The following PSMA4 variants were observed in gnomAD, a reference collection of about 807,000 sequenced individuals.
PSMA4 encodes the protein proteasome 20S subunit alpha 4.
A neutral mutation model predicts 37.2 loss-of-function variants in PSMA4; 8 were observed. The observed-to-expected ratio is 0.22, with a 90% confidence interval of 0.13 to 0.39. The LOEUF (loss-of-function observed/expected upper bound fraction) is 0.39, where lower values mean the gene tolerates loss of function less well. PSMA4 is among the 10% of genes least tolerant of loss of function. The pLI is 1.00. For synonymous variants in PSMA4, 93 were observed against 98.8 expected, an observed-to-expected ratio of 0.94 and a Z score of 0.35; for missense variants, 169 against 305.1, an observed-to-expected ratio of 0.55 and a Z score of 3.32.
rs1179556387 is a variant in PSMA4 at position 78,549,857 on chromosome 15, T to TA, written c.*914dup. On this transcript the variant is annotated 3_prime_UTR_variant, in exon 9 of 9. Coordinates refer to ENST00000044462, the MANE Select transcript of PSMA4 (RefSeq NM_002789.6). The stretch of plus-strand genomic sequence containing the variant: ...CTCAAGCTCTGTGGTGGAACCCAGA[T>TA]ATTAACATTGCTTAAACTCTTCAGG... The TA allele has an allele frequency of 1.3e-5, 2 of 152,424 alleles. No homozygotes were observed. The highest frequency in any genetic ancestry group is 4.8e-5 in the African/African-American group (2 of 41,588). 9.4% of individuals were successfully genotyped at this position (152,424 alleles called of 1,614,324 possible). A position where few individuals can be genotyped will look rare whatever the true frequency, so the allele number is the denominator to read the frequency against.
chr15:78,547,422 TACA>T (rs2141378789), intron 8 of PSMA4, among the ~76,000 whole-genome samples: 1 of 152,384 alleles, frequency 6.6e-6, no homozygotes, highest in African/African-American at 2.4e-5. Flanking sequence ...TTACCAGAGA[TACA>T]ACATTTGCGT....
rs1433335130 is a variant in PSMA4, at chr15:78,549,196, A to G, written c.*252A>G. On this transcript the variant is annotated 3_prime_UTR_variant, in exon 9 of 9. Coordinates refer to ENST00000044462, the MANE Select transcript of PSMA4 (RefSeq NM_002789.6). ...AATAAAATTTGGAAAATGGAAATGA[A>G]GGAATAAATTCTCTGTAGCAGTAAT... 5.5e-6 allele frequency: 2 copies of G among 365,174 alleles called. No individual in the cohort carries two copies. Among genetic ancestry groups the G allele is most frequent in the African/African-American group, 2.1e-5 (1 of 47,300 alleles). 22.6% of individuals were successfully genotyped at this position (365,174 alleles called of 1,614,324 possible).
chr15:78,542,692 A>C, intron 4 of PSMA4, 47 bp downstream of exon 4: 1 of 1,519,778 alleles, frequency 6.6e-7, no homozygotes, highest in South Asian at 1.2e-5. Context: ...TCACTTTCTC[A>C]CATAAGTGGG....
At chr15:78,544,119 T>G in intron 4 of PSMA4, 71 bp from the exon 5 acceptor site, 2 of 1,159,042 alleles carry the variant, frequency 1.7e-6, no homozygotes, top group East Asian at 5.1e-5. Context: ...AATTAGAATT[T>G]TTTAAATACT....
chr15:78,545,085 C>T (rs2052528164), intron 6 of PSMA4, 128 bp downstream of exon 6: 1 of 588,112 alleles, frequency 1.7e-6, no homozygotes. Flanking sequence ...TTTTAATTGG[C>T]AAATAAGAAT....
chr15:78,546,532 A>G, intron 7 of PSMA4, 43 bp from the exon 8 acceptor site: 1 of 1,532,038 alleles, frequency 6.5e-7, no homozygotes. Context: ...TGTTTCTAAA[A>G]AATGTAAAAA....
chr15:78,542,373 G>C, intron 3 of PSMA4, 110 bp from the exon 4 acceptor site: 1 of 1,418,888 alleles, frequency 7.0e-7, no homozygotes, highest in Non-Finnish European at 9.6e-7. Context: ...TACCATAGAA[G>C]AGTGAAAGTG....
intron 5 of PSMA4, chr15:78,544,624 T>C: frequency 2.1e-6 from 1 of 473,786 alleles, no homozygotes; most frequent in Non-Finnish European, 3.7e-6. Flanking sequence ...TAAGGAGAGC[T>C]CACTTTTGCA....
In PSMA4 at chr15:78,551,339, C is replaced by T. The variant is rs2141383034; in HGVS notation, c.*2395C>T. 1 of 152,316 alleles carries T rather than the reference C, an allele frequency of 6.6e-6. No individual in the cohort carries two copies. The highest frequency in any genetic ancestry group is 1.5e-5 in the Non-Finnish European group (1 of 68,110). The allele number at this position is 152,316 out of a possible 1,614,324, so 9.4% of individuals were successfully genotyped here. A position where few individuals can be genotyped will look rare whatever the true frequency, so the allele number is the denominator to read the frequency against. ...TGTGCTTCCTTCCTCACTCATTCATCCAAATGAGCCTTCTCATCATTCCCT... is the reference window on the plus strand; with the variant it reads ...TGTGCTTCCTTCCTCACTCATTCATTCAAATGAGCCTTCTCATCATTCCCT... On this transcript the variant is annotated 3_prime_UTR_variant, in exon 9 of 9. Transcript: ENST00000044462.
rs2052647099 is a variant in PSMA4 at position 78,551,796 on chromosome 15, G to A, written c.*2852G>A. 6.6e-6 allele frequency: 1 copy of A among 152,056 alleles called. No homozygotes were observed. Among genetic ancestry groups the A allele is most frequent in the African/African-American group, 2.4e-5 (1 of 41,396 alleles). 9.4% of individuals were successfully genotyped at this position (152,056 alleles called of 1,614,324 possible). On this transcript the variant is annotated 3_prime_UTR_variant, in exon 9 of 9. Coordinates refer to ENST00000044462, the MANE Select transcript of PSMA4 (RefSeq NM_002789.6). ...TTCCATCCAGATCAGTAGCACTGGT[G>A]GATTTTCTGTATCCTGACTACCCCT...
chr15:78,544,047 C>A, intron 4 of PSMA4, 143 bp from the exon 5 acceptor site: 2 of 586,206 alleles, frequency 3.4e-6, no homozygotes, highest in Non-Finnish European at 3.0e-6. Context: ...AAAGATAAAA[C>A]TTGTAGGTTT....
In PSMA4 at chr15:78,550,532, A is replaced by ATC. The variant is rs1448096433; in HGVS notation, c.*1589_*1590insCT. 1.3e-5 allele frequency: 2 copies of ATC among 151,834 alleles called. No individual in the cohort carries two copies. The highest frequency in any genetic ancestry group is 2.9e-5 in the Non-Finnish European group (2 of 68,060). The allele number at this position is 151,834 out of a possible 1,614,324, so 9.4% of individuals were successfully genotyped here. On this transcript the variant is annotated 3_prime_UTR_variant, in exon 9 of 9. Transcript: ENST00000044462. ...GACGGTGAGCAGGGAAGGTCTCACC[A>ATC]TGTTTCCCATGCCGGTCTCAAGCTC...
Position 78,546,764 on chromosome 15 carries a change from T to C in PSMA4, c.631+66T>C. 5 of 1,498,954 alleles carry C rather than the reference T, an allele frequency of 3.3e-6. No individual in the cohort carries two copies. The Admixed American group carries it at 1.0e-4, about 31-fold the overall frequency. The allele number at this position is 1,498,954 out of a possible 1,614,324, so 92.9% of individuals were successfully genotyped here. On this transcript the variant is annotated intron_variant, in intron 8 of 8. Coordinates refer to ENST00000044462, the MANE Select transcript of PSMA4 (RefSeq NM_002789.6). ...GGGAAATTAGCAGCTGTTAAGATTT[T>C]TTTCTTTTTTTTTTTTTTTTGAGAT...
intron 8 of PSMA4, among the ~76,000 whole-genome samples, chr15:78,548,196 A>C (rs1481519382): frequency 6.6e-6 from 1 of 151,800 alleles, no homozygotes; most frequent in Non-Finnish European, 1.5e-5. Context: ...GCGCCATTGC[A>C]CTCCAGCCTG....
rs558122882 is a variant in PSMA4, at chr15:78,550,200, G to A, written c.*1256G>A. 2.0e-5 allele frequency: 3 copies of A among 152,250 alleles called. No individual in the cohort carries two copies. Among genetic ancestry groups the A allele is most frequent in the East Asian group, 3.9e-4 (2 of 5,194 alleles). The allele number at this position is 152,250 out of a possible 1,614,324, so 9.4% of individuals were successfully genotyped here. ...CTGGGTTAGGGTCCTACAAGCCACTGGTCACATTTTTATCAACTGATCAGT... is the reference window on the plus strand; with the variant it reads ...CTGGGTTAGGGTCCTACAAGCCACTAGTCACATTTTTATCAACTGATCAGT... On this transcript the variant is annotated 3_prime_UTR_variant, in exon 9 of 9. Transcript: ENST00000044462.
intron 8 of PSMA4, among the ~76,000 whole-genome samples, chr15:78,546,921 A>T (rs955479320): frequency 6.6e-6 from 1 of 152,098 alleles, no homozygotes; most frequent in Non-Finnish European, 1.5e-5. Flanking sequence ...TCGCGCCACC[A>T]TGCCCAGCTA....
Position 78,548,934 on chromosome 15 carries a change from A to C in PSMA4, c.776A>C (p.Lys259Thr). 6.2e-7 allele frequency: 1 copy of C among 1,605,380 alleles called. No individual in the cohort carries two copies. The highest frequency in any genetic ancestry group is 8.5e-7 in the Non-Finnish European group (1 of 1,177,682). ...REKKEKEQKE[K>T]DK ...AAGAAAGAAAAAGAACAGAAAGAAA[A>C]GGATAAATAGAATCAGAGATTTTAT... The change falls in exon 9 of 9, where the codon AAG (lysine) becomes ACG (threonine). Residue 259 changes from lysine (K) to threonine (T), a missense_variant. Coordinates refer to ENST00000044462, the MANE Select transcript of PSMA4 (RefSeq NM_002789.6).
rs2141381312 is a variant in PSMA4, at chr15:78,549,487, T to G, written c.*543T>G. On this transcript the variant is annotated 3_prime_UTR_variant, in exon 9 of 9. Transcript: ENST00000044462. ...AGAAGTTAAGGCCACAGAGGAAAAG[T>G]GGAACCAAGAGATGAGAACAGTTAC... 6.6e-6 allele frequency: 1 copy of G among 152,418 alleles called. No individual in the cohort carries two copies. The highest frequency in any genetic ancestry group is 2.4e-5 in the African/African-American group (1 of 41,570). The allele number at this position is 152,418 out of a possible 1,614,324, so 9.4% of individuals were successfully genotyped here.
chr15:78,542,457 G>C (rs1171881354), intron 3 of PSMA4, 26 bp from the exon 4 acceptor site: 2 of 1,606,066 alleles, frequency 1.2e-6, no homozygotes, highest in African/African-American at 2.7e-5. Flanking sequence ...GGAGAGTCTT[G>C]GCTTCTCACT....
Sources: gnomAD v4.1 joint callset for allele counts (sites outside exome capture counted in the v4.1 genomes callset) on GRCh38, gnomAD v4.1.1 for gene constraint, MANE v1.5 for transcripts, NCBI Gene and HGNC (gene_info 2026-07-23, HGNC 2026-07-21) for gene names.